Variants in DNM3 observed in about 807,000 individuals in gnomAD.
The protein encoded by DNM3 is dynamin-3.
DNM3 carries 47 observed loss-of-function variants against 101.6 expected under a neutral mutation model. The ratio of observed to expected loss-of-function variants is 0.46; its 90% CI spans 0.37 to 0.59. The LOEUF (loss-of-function observed/expected upper bound fraction) is 0.59, where lower values mean the gene tolerates loss of function less well. Ranked by LOEUF, DNM3 falls within the 20% of genes least tolerant of loss-of-function variation. The probability of loss-of-function intolerance (pLI) is 0.00; values close to 1 mark genes in which losing one functional copy is unlikely to be tolerated. For synonymous variants in DNM3, 385 were observed against 387.9 expected, an observed-to-expected ratio of 0.99 and a Z score of 0.09; for missense variants, 849 against 1,085.7, an observed-to-expected ratio of 0.78 and a Z score of 3.06.
intron 17 of DNM3, among the ~76,000 whole-genome samples, chr1:172,353,361 A>G (rs2067280938): frequency 6.6e-6 from 1 of 152,178 alleles, no homozygotes; most frequent in Non-Finnish European, 1.5e-5. Context: ...TGTCTCACTA[A>G]TAATGAAATT....
chr1:172,276,237 T>G (rs1019890366), intron 15 of DNM3, among the ~76,000 whole-genome samples: 13 of 151,924 alleles, frequency 8.6e-5, no homozygotes, highest in Admixed American at 6.6e-5. Context: ...AAACTGGGAC[T>G]GTCTGGGCAA....
intron 15 of DNM3, among the ~76,000 whole-genome samples, chr1:172,283,660 T>C (rs1055934605): frequency 6.7e-6 from 1 of 148,276 alleles, no homozygotes; most frequent in African/African-American, 2.5e-5. Context: ...CCCGGGAGGC[T>C]GAGGCAGGAA....
At chr1:171,935,035 C>T (rs1036874570) in intron 2 of DNM3, among the ~76,000 whole-genome samples, 3 of 151,992 alleles carry the variant, frequency 2.0e-5, no homozygotes, top group Admixed American at 2.0e-4. Flanking sequence ...GAATTTTACT[C>T]GTATCTGTAT....
intron 13 of DNM3, among the ~76,000 whole-genome samples, chr1:172,103,368 G>T (rs1177527653): frequency 6.6e-6 from 1 of 152,234 alleles, no homozygotes; most frequent in Non-Finnish European, 1.5e-5. Context: ...TATGGTAGCT[G>T]CTGAGTAAAT....
At chr1:172,121,354 C>T (rs564538958) in intron 13 of DNM3, among the ~76,000 whole-genome samples, 1 of 152,284 alleles carries the variant, frequency 6.6e-6, no homozygotes, top group Admixed American at 6.5e-5. Flanking sequence ...AGAAATAATG[C>T]ATATGCAGGC....
intron 14 of DNM3, among the ~76,000 whole-genome samples, chr1:172,205,294 A>G (rs1397035599): frequency 6.6e-6 from 1 of 152,202 alleles, no homozygotes; most frequent in Non-Finnish European, 1.5e-5. Context: ...AGAACACACT[A>G]TATTTCCCTG....
intron 10 of DNM3, among the ~76,000 whole-genome samples, chr1:172,049,399 A>G (rs1299636150): frequency 6.6e-6 from 1 of 152,330 alleles, no homozygotes; most frequent in East Asian, 1.9e-4. Flanking sequence ...CTGATTAACC[A>G]TAATTTAAGT....
intron 14 of DNM3, among the ~76,000 whole-genome samples, chr1:172,205,292 C>T (rs1336709244): frequency 6.6e-6 from 1 of 152,080 alleles, no homozygotes; most frequent in Non-Finnish European, 1.5e-5. Flanking sequence ...CAAGAACACA[C>T]TATATTTCCC....
At position 172,408,253 on chromosome 1, in the gene DNM3, T is replaced by C; in HGVS notation, c.*412T>C. 2.0e-6 allele frequency: 2 copies of C among 997,328 alleles called. No homozygotes were observed. Among genetic ancestry groups the C allele is most frequent in the Non-Finnish European group, 2.4e-6 (2 of 836,808 alleles). 61.8% of individuals were successfully genotyped at this position (997,328 alleles called of 1,614,324 possible). A position where few individuals can be genotyped will look rare whatever the true frequency, so the allele number is the denominator to read the frequency against. Reference sequence around the variant, plus strand: ...CATATTTCTTTTCCCACATTCTGTTTAGGATGACAGTAATTCTGTTGTCTA... The same window carrying C: ...CATATTTCTTTTCCCACATTCTGTTCAGGATGACAGTAATTCTGTTGTCTA... On this transcript the variant is annotated 3_prime_UTR_variant, in exon 21 of 21. Coordinates refer to ENST00000627582, the MANE Select transcript of DNM3 (RefSeq NM_015569.5).
At chr1:172,076,956 TGGTTG>T (rs926995002) in intron 11 of DNM3, among the ~76,000 whole-genome samples, 1 of 152,194 alleles carries the variant, frequency 6.6e-6, no homozygotes, top group Non-Finnish European at 1.5e-5. Context: ...GGGCTTTTTT[TGGTTG>T]GTAGGCTATT....
chr1:172,044,586 T>C, intron 9 of DNM3, 134 bp downstream of exon 9: 1 of 741,632 alleles, frequency 1.3e-6, no homozygotes, highest in Non-Finnish European at 2.2e-6. Flanking sequence ...AAACAGGAAA[T>C]CCTACTTTGG....
Position 171,872,805 on chromosome 1 carries a change from G to A in DNM3, c.161+30988G>A, listed in dbSNP as rs184377146. ...GAAATGTTTGTTTTTTTTTAATTCA[G>A]GTCCAATTTGGACAAGATACTCTTG... On this transcript the variant is annotated intron_variant, in intron 1 of 20. Coordinates refer to ENST00000627582, the MANE Select transcript of DNM3 (RefSeq NM_015569.5). 4.1e-3 allele frequency among the ~76,000 whole-genome samples: 625 copies of A among 151,772 alleles called. 20 individuals are homozygous for A. The highest frequency in any genetic ancestry group is 0.035 in the Admixed American group (540 of 15,236).
At chr1:171,887,137 A>G (rs1335334336) in intron 1 of DNM3, among the ~76,000 whole-genome samples, 1 of 152,212 alleles carries the variant, frequency 6.6e-6, no homozygotes, top group Non-Finnish European at 1.5e-5. Flanking sequence ...ATGGGGATCT[A>G]AAATTGATTA....
At chr1:171,924,360 A>T (rs565065148) in intron 2 of DNM3, among the ~76,000 whole-genome samples, 14 of 152,232 alleles carry the variant, frequency 9.2e-5, no homozygotes, top group Non-Finnish European at 1.3e-4. Context: ...TGACTTTTTA[A>T]CAATAGCTGT....
intron 2 of DNM3, among the ~76,000 whole-genome samples, chr1:171,963,610 A>G (rs1012109684): frequency 6.6e-6 from 1 of 152,122 alleles, no homozygotes; most frequent in African/African-American, 2.4e-5. Context: ...ATGCATATGC[A>G]GGGGCAGGAG....
chr1:172,250,075 A>AT (rs2062110330), intron 14 of DNM3, among the ~76,000 whole-genome samples: 2 of 152,162 alleles, frequency 1.3e-5, no homozygotes, highest in Non-Finnish European at 2.9e-5. Context: ...AAATTTTCAA[A>AT]TGTAATGCAC....
At chr1:172,308,214 T>TGAAG (rs1326896761) in intron 15 of DNM3, among the ~76,000 whole-genome samples, 2 of 152,202 alleles carry the variant, frequency 1.3e-5, no homozygotes, top group African/African-American at 4.8e-5. Flanking sequence ...ATGCACTTCA[T>TGAAG]TGGCATCTCA....
chr1:172,074,367 C>T (rs1410381715), intron 11 of DNM3, among the ~76,000 whole-genome samples: 1 of 152,002 alleles, frequency 6.6e-6, no homozygotes, highest in Non-Finnish European at 1.5e-5. Context: ...GCAGAATGTG[C>T]AGGTTTGTTA....
intron 15 of DNM3, among the ~76,000 whole-genome samples, chr1:172,269,987 A>G (rs1006228215): frequency 2.0e-5 from 3 of 152,174 alleles, no homozygotes; most frequent in Non-Finnish European, 2.9e-5. Context: ...AAATAAAGGA[A>G]ACTAAGGGCA....
Sources: allele counts gnomAD v4.1 joint callset (sites outside exome capture counted in the v4.1 genomes callset), GRCh38; gene constraint gnomAD v4.1.1; transcripts MANE v1.5; gene names NCBI Gene and HGNC (gene_info 2026-07-23, HGNC 2026-07-21).